The following DKKL1 variants were observed in gnomAD, a reference collection of about 807,000 sequenced individuals.
The protein encoded by DKKL1 is dickkopf like acrosomal protein 1.
In DKKL1, 11 loss-of-function variants were observed where a neutral mutation model predicts 16.5. The ratio of observed to expected loss-of-function variants is 0.67; its 90% confidence interval spans 0.42 to 1.10. The LOEUF (loss-of-function observed/expected upper bound fraction) is 1.10. Ranked by LOEUF, DKKL1 falls within the 50% of genes least tolerant of loss-of-function variation. DKKL1 has a pLI of 0.00. For synonymous variants in DKKL1, 119 were observed against 133.2 expected, an observed-to-expected ratio of 0.89 and a Z score of 0.73; for missense variants, 320 against 308.1, an observed-to-expected ratio of 1.04 and a Z score of -0.29.
At chr19:49,362,912 T>G (rs575420707), upstream of DKKL1, among the ~76,000 whole-genome samples, 2,583 of 134,936 alleles carry the variant, frequency 0.019, 110 homozygotes, top group African/African-American at 0.069. Flanking sequence ...TGGTTTTTGG[T>G]TTTTTTGTTT....
chr19:49,361,166 G>A (rs111169105), upstream of DKKL1, among the ~76,000 whole-genome samples: 21,277 of 88,626 alleles, frequency 0.24, 2,890 homozygotes, highest in Non-Finnish European at 0.27. Context: ...GGGGGGGGGG[G>A]ACAGGGACCA....
At chr19:49,374,607 C>A in intron 4 of DKKL1, 110 bp from the exon 5 acceptor site, 2 of 1,019,380 alleles carry the variant, frequency 2.0e-6, no homozygotes, top group Non-Finnish European at 1.4e-6. Context: ...GGCTTTTGAA[C>A]CCACAAAGCA....
At chr19:49,367,028 CTTTT>C (rs1300569406) in intron 4 of DKKL1, among the ~76,000 whole-genome samples, 3 of 149,780 alleles carry the variant, frequency 2.0e-5, no homozygotes, top group Non-Finnish European at 4.5e-5. Flanking sequence ...TTTTCTTCTT[CTTTT>C]TTTGTTTTTT....
chr19:49,364,118 G>A lies in DKKL1; in HGVS notation c.10+110G>A, dbSNP rs1568590423. On this transcript the variant is annotated intron_variant, in intron 1 of 4. Transcript: ENST00000221498. ...CAATCCCAACACTTTGGGAGGCCCA[G>A]GTGGGCGGATCGCTTGAGATCAGGA... 1.1e-5 allele frequency: 16 copies of A among 1,443,804 alleles called. 1 individual carries two copies. The highest frequency in any genetic ancestry group is 5.0e-5 in the South Asian group (4 of 80,018). 89.4% of individuals were successfully genotyped at this position (1,443,804 alleles called of 1,614,324 possible). A position where few individuals can be genotyped will look rare whatever the true frequency, so the allele number is the denominator to read the frequency against.
chr19:49,360,738 CAGAGACCCAGAGAGGG>C (rs1972794046), upstream of DKKL1, among the ~76,000 whole-genome samples: 1 of 75,710 alleles, frequency 1.3e-5, no homozygotes, highest in African/African-American at 5.0e-5. Context: ...GAGAGGGGGA[CAGAGACCCAGAGAGGG>C]AGGGGGACAG....
chr19:49,374,757 A>G lies in DKKL1; in HGVS notation c.458A>G (p.Gln153Arg), dbSNP rs749069678. The change falls in exon 5 of 5, where the codon CAG becomes CGG. Residue 153 changes from glutamine (Q) to arginine (R), a missense_variant. Gln to Arg is a conservative substitution (Grantham distance 43, BLOSUM62 1). Coordinates refer to ENST00000221498, the MANE Select transcript of DKKL1 (RefSeq NM_014419.4). ...MEEKEALVPI[Q>R]KATDSFHTEL... The stretch of plus-strand genomic sequence containing the variant: ...GAGAAGGAGGCCCTGGTACCCATCC[A>G]GAAGGCCACGGACAGCTTCCACACA... 1.9e-6 allele frequency: 3 copies of G among 1,573,484 alleles called. No individual in the cohort carries two copies. The highest frequency in any genetic ancestry group is 1.8e-5 in the Admixed American group (1 of 55,446).
At chr19:49,363,800 A>G (rs1973117773), upstream of DKKL1, 3 of 710,952 alleles carry the variant, frequency 4.2e-6, no homozygotes, top group Non-Finnish European at 7.3e-6. Flanking sequence ...CTCCTGGGTG[A>G]GGCCGGCAAG....
upstream of DKKL1, among the ~76,000 whole-genome samples, chr19:49,362,688 G>A (rs879419387): frequency 1.0e-3 from 159 of 151,790 alleles, no homozygotes; most frequent in Middle Eastern, 3.4e-3. Flanking sequence ...GGAGAGGCTG[G>A]GGGCTGGGAC....
At chr19:49,364,431 G>T in intron 1 of DKKL1, 151 bp from the exon 2 acceptor site, 5 of 645,226 alleles carry the variant, frequency 7.7e-6, no homozygotes, top group Non-Finnish European at 1.3e-5. Flanking sequence ...GGTGGAGGGT[G>T]TGGGAGTAGA....
At chr19:49,373,949 T>C (rs185286946) in intron 4 of DKKL1, among the ~76,000 whole-genome samples, 200 of 151,896 alleles carry the variant, frequency 1.3e-3, no homozygotes, top group African/African-American at 4.7e-3. Flanking sequence ...ATATTCAAAC[T>C]TTCTCCCTCA....
chr19:49,368,559 T>C (rs1265921759), intron 4 of DKKL1: 1 of 152,002 alleles, frequency 6.6e-6, no homozygotes, highest in African/African-American at 2.4e-5. Context: ...ACATACTTTA[T>C]TATTTTGGAA....
At chr19:49,362,962 T>C (rs1600822122), upstream of DKKL1, 1 of 116,588 alleles carries the variant, frequency 8.6e-6, no homozygotes, top group Non-Finnish European at 1.7e-5. Context: ...AGGATTGGGG[T>C]CTGGGGATGG....
intron 4 of DKKL1, among the ~76,000 whole-genome samples, chr19:49,371,625 GT>G (rs146372966): frequency 1.3e-5 from 2 of 151,364 alleles, no homozygotes; most frequent in Non-Finnish European, 2.9e-5. Flanking sequence ...GTATTTTTAT[GT>G]TTTTTTAAAT....
intron 4 of DKKL1, among the ~76,000 whole-genome samples, chr19:49,373,931 C>T (rs528434244): frequency 6.6e-6 from 1 of 152,056 alleles, no homozygotes; most frequent in South Asian, 2.1e-4. Context: ...CAAACAGACA[C>T]TCAGTCCATA....
intron 4 of DKKL1, chr19:49,369,328 T>G (rs563169696): frequency 1.4e-5 from 2 of 142,164 alleles, no homozygotes; most frequent in South Asian, 4.2e-4. Flanking sequence ...AATTTTTTTT[T>G]GTTTGTTTTT....
chr19:49,369,972 C>G (rs1315358831), intron 4 of DKKL1: 1 of 152,270 alleles, frequency 6.6e-6, no homozygotes, highest in East Asian at 1.9e-4. Context: ...GTGTCATCCT[C>G]ATGTGCACCC....
At chr19:49,365,695 C>T in intron 3 of DKKL1, 46 bp downstream of exon 3, 2 of 1,595,510 alleles carry the variant, frequency 1.3e-6, no homozygotes, top group Non-Finnish European at 1.7e-6. Flanking sequence ...TGGGATCCCT[C>T]CATCCCGCCA....
upstream of DKKL1, among the ~76,000 whole-genome samples, chr19:49,360,992 G>C (rs1395953438): frequency 1.3e-5 from 1 of 74,486 alleles, no homozygotes; most frequent in Non-Finnish European, 2.4e-5. Flanking sequence ...GAGAGAGGGG[G>C]ACAGAGACCA....
At chr19:49,361,155 C>G (rs1284286820), upstream of DKKL1, among the ~76,000 whole-genome samples, 5 of 45,900 alleles carry the variant, frequency 1.1e-4, no homozygotes, top group African/African-American at 1.9e-4. Context: ...GGACAGAGAC[C>G]GGGGGGGGGG....
Sources: gnomAD v4.1 joint callset for allele counts (sites outside exome capture counted in the v4.1 genomes callset) on GRCh38, gnomAD v4.1.1 for gene constraint, MANE v1.5 for transcripts, NCBI Gene and HGNC (gene_info 2026-07-23, HGNC 2026-07-21) for gene names.